The following KCNC2 variants were observed in gnomAD, a reference collection of about 807,000 sequenced individuals.
KCNC2 encodes the protein potassium voltage-gated channel subfamily C member 2, also known as voltage-gated potassium channel KCNC2.
In KCNC2, 21 loss-of-function variants were observed where a neutral mutation model predicts 44.5. That is an observed-to-expected ratio of 0.47 (90% confidence interval 0.33 to 0.68). The LOEUF (loss-of-function observed/expected upper bound fraction) is 0.68. Among genes scored for constraint, KCNC2 ranks in the 30% least tolerant of loss-of-function variants. KCNC2 has a pLI of 0.01. For missense variants in KCNC2, 589 were observed against 826.2 expected, an observed-to-expected ratio of 0.71 and a Z score of 3.52; for synonymous variants, 391 against 339.1, an observed-to-expected ratio of 1.15 and a Z score of -1.68.
At chr12:75,088,696 C>T (rs1045089799) in intron 2 of KCNC2, among the ~76,000 whole-genome samples, 1 of 142,622 alleles carries the variant, frequency 7.0e-6, no homozygotes, top group African/African-American at 2.8e-5. Flanking sequence ...AGATTTGTAC[C>T]CTTACCATAC....
At chr12:75,160,936 A>T (rs1366565401) in intron 2 of KCNC2, among the ~76,000 whole-genome samples, 2 of 151,816 alleles carry the variant, frequency 1.3e-5, no homozygotes, top group African/African-American at 4.8e-5. Context: ...ATTAGACAAA[A>T]ACAAATTGAA....
At chr12:75,196,538 C>T (rs1173547454) in intron 2 of KCNC2, among the ~76,000 whole-genome samples, 2 of 152,046 alleles carry the variant, frequency 1.3e-5, no homozygotes, top group African/African-American at 4.8e-5. Flanking sequence ...GGATTCTTAA[C>T]ATAAATGTGC....
rs910848624 is a variant in KCNC2, at chr12:75,157,819, G to A, written c.687+49478C>T. 3.4e-4 allele frequency among the ~76,000 whole-genome samples: 52 copies of A among 151,782 alleles called. 1 individual carries two copies. The highest frequency in any genetic ancestry group is 9.2e-4 in the Admixed American group (14 of 15,184). ...GATCTAGGAGCTTGAACTCCATGCC[G>A]CAAATGAAAAATACAATGACATTAT... On this transcript the variant is annotated intron_variant, in intron 2 of 4. Coordinates refer to ENST00000549446, the MANE Select transcript of KCNC2 (RefSeq NM_139137.4).
At chr12:75,145,109 A>G (rs913262488) in intron 2 of KCNC2, among the ~76,000 whole-genome samples, 2 of 152,198 alleles carry the variant, frequency 1.3e-5, no homozygotes, top group African/African-American at 2.4e-5. Flanking sequence ...TGTGCCAGTT[A>G]TAAATTCAGA....
intron 2 of KCNC2, among the ~76,000 whole-genome samples, chr12:75,183,271 G>C (rs978956027): frequency 3.3e-5 from 5 of 152,128 alleles, no homozygotes; most frequent in Non-Finnish European, 7.4e-5. Flanking sequence ...TCTCCACAAA[G>C]AGACTCCCCA....
intron 2 of KCNC2, among the ~76,000 whole-genome samples, chr12:75,204,919 GA>G (rs1225664879): frequency 6.6e-6 from 1 of 152,100 alleles, no homozygotes; most frequent in Non-Finnish European, 1.5e-5. Flanking sequence ...AATAAAAATG[GA>G]AAGTTCAAAC....
intron 4 of KCNC2, chr12:75,044,822 C>A (rs141409157): frequency 2.6e-5 from 4 of 152,072 alleles, no homozygotes; most frequent in African/African-American, 9.6e-5. Context: ...CACATAGTCT[C>A]TGCTAATTAA....
intron 2 of KCNC2, among the ~76,000 whole-genome samples, chr12:75,092,725 T>C (rs985193628): frequency 2.0e-5 from 3 of 151,658 alleles, no homozygotes; most frequent in African/African-American, 7.2e-5. Flanking sequence ...TAATTGTCAA[T>C]CTTCTCTTTT....
chr12:75,070,456 A>G (rs1203423380), intron 2 of KCNC2, among the ~76,000 whole-genome samples: 1 of 148,946 alleles, frequency 6.7e-6, no homozygotes, highest in Admixed American at 6.6e-5. Flanking sequence ...CATCTCAAAA[A>G]AAAAAAAAAG....
intron 2 of KCNC2, among the ~76,000 whole-genome samples, chr12:75,053,858 A>T (rs925590671): frequency 3.3e-5 from 5 of 149,848 alleles, no homozygotes; most frequent in African/African-American, 1.2e-4. Flanking sequence ...TATTTGAAAA[A>T]GAAAACAACT....
At chr12:75,094,283 C>T (rs1885737389) in intron 2 of KCNC2, among the ~76,000 whole-genome samples, 1 of 151,674 alleles carries the variant, frequency 6.6e-6, no homozygotes, top group South Asian at 2.1e-4. Flanking sequence ...TCAAGTATTT[C>T]ATCAGCTAAT....
chr12:75,041,797 C>A lies in KCNC2; in HGVS notation c.*1308G>T. On this transcript the variant is annotated 3_prime_UTR_variant, in exon 5 of 5. Transcript: ENST00000549446. ...CACAGTGCCGATTAACTTAGGTAGTCTACAGAGCATCATTAATTTATACAC... is the reference window on the plus strand; with the variant it reads ...CACAGTGCCGATTAACTTAGGTAGTATACAGAGCATCATTAATTTATACAC... 1 of 990,200 alleles carries A rather than the reference C, an allele frequency of 1.0e-6. No individual in the cohort carries two copies. The highest frequency in any genetic ancestry group is 1.2e-6 in the Non-Finnish European group (1 of 832,826). The allele number at this position is 990,200 out of a possible 1,614,324, so 61.3% of individuals were successfully genotyped here.
At chr12:75,168,041 AT>A (rs1891573702) in intron 2 of KCNC2, among the ~76,000 whole-genome samples, 1 of 151,354 alleles carries the variant, frequency 6.6e-6, no homozygotes, top group Admixed American at 6.6e-5. Context: ...TATCCAAGTA[AT>A]TTGGAATTGC....
chr12:75,107,256 A>T (rs368822371), intron 2 of KCNC2, among the ~76,000 whole-genome samples: 4 of 152,132 alleles, frequency 2.6e-5, no homozygotes, highest in East Asian at 3.9e-4. Flanking sequence ...GTGAGCCAAG[A>T]TCACGCCACT....
intron 2 of KCNC2, among the ~76,000 whole-genome samples, chr12:75,132,400 G>C (rs767433855): frequency 8.5e-5 from 13 of 152,278 alleles, no homozygotes; most frequent in Non-Finnish European, 1.8e-4. Context: ...ATGTGCAAGA[G>C]CAAGCATAAT....
chr12:75,055,581 TCAA>T (rs1881654845), intron 2 of KCNC2, among the ~76,000 whole-genome samples: 1 of 152,084 alleles, frequency 6.6e-6, no homozygotes, highest in African/African-American at 2.4e-5. Flanking sequence ...GTATGTCATG[TCAA>T]CTGATTGTAC....
intron 2 of KCNC2, among the ~76,000 whole-genome samples, chr12:75,188,101 C>A (rs538205052): frequency 2.2e-4 from 34 of 152,258 alleles, no homozygotes; most frequent in Admixed American, 1.8e-3. Context: ...CCTTTCTTAG[C>A]CCTAGGACCA....
intron 2 of KCNC2, among the ~76,000 whole-genome samples, chr12:75,161,177 C>T (rs1190361075): frequency 6.6e-6 from 1 of 151,500 alleles, no homozygotes; most frequent in African/African-American, 2.4e-5. Context: ...AGTGTTTTTT[C>T]TTTCAAAAGG....
intron 2 of KCNC2, among the ~76,000 whole-genome samples, chr12:75,194,093 G>A (rs2030547499): frequency 6.6e-6 from 1 of 152,094 alleles, no homozygotes; most frequent in South Asian, 2.1e-4. Context: ...TTGCAAATGT[G>A]TTGTCAAAAT....
Sources: allele counts gnomAD v4.1 joint callset (sites outside exome capture counted in the v4.1 genomes callset), GRCh38; gene constraint gnomAD v4.1.1; transcripts MANE v1.5; gene names NCBI Gene and HGNC (gene_info 2026-07-23, HGNC 2026-07-21).